ANKRD11: variants seen among roughly 807,000 people sequenced by gnomAD.
ANKRD11 encodes the protein ankyrin repeat domain 11.
Under a neutral mutation model 195.7 loss-of-function variants are expected in ANKRD11, and 17 were observed. That is an observed-to-expected ratio of 0.09 (90% CI 0.06 to 0.13). The LOEUF is 0.13. Among genes scored for constraint, ANKRD11 ranks in the 10% least tolerant of loss-of-function variants. The probability of loss-of-function intolerance (pLI) is 1.00; values close to 1 mark genes in which losing one functional copy is unlikely to be tolerated. For synonymous variants in ANKRD11, 1,953 were observed against 1,528.1 expected (o/e 1.28, Z -6.49); for missense variants, 3,735 against 3,566.1 (o/e 1.05, Z -1.21).
chr16:89,323,128 T>C (rs1021241418), intron 2 of ANKRD11: 3 of 342,844 alleles, frequency 8.8e-6, no homozygotes, highest in East Asian at 1.0e-4. Flanking sequence ...GTGCGCTCCG[T>C]GGAAAGGGAG....
intron 2 of ANKRD11, among the ~76,000 whole-genome samples, chr16:89,367,225 C>T (rs1426147948): frequency 6.6e-6 from 1 of 152,248 alleles, no homozygotes; most frequent in Non-Finnish European, 1.5e-5. Context: ...ACAGTCCACT[C>T]CACGTGGGAG....
In ANKRD11 at chr16:89,280,438, T is replaced by A. The variant is rs778167926; in HGVS notation, c.6104A>T (p.Glu2035Val). Residue 2035 changes from glutamate to valine, a missense_variant, in exon 9 of 13, where the codon GAG becomes GTG. Glu to Val is a moderately radical substitution (Grantham distance 121). Transcript: ENST00000301030. The part of the protein sequence containing the change: ...YALPVAEPGL[E>V]DVKDGVDAVP... ...GGCGTCCACTCCGTCCTTGACGTCC[T>A]CCAGCCCCGGCTCAGCGACGGGCAG... 3 of 1,582,796 alleles carry A rather than the reference T, an allele frequency of 1.9e-6. No individual in the cohort carries two copies. The highest frequency in any genetic ancestry group is 8.6e-7 in the Non-Finnish European group (1 of 1,163,178).
At chr16:89,335,192 G>A (rs922060753) in intron 2 of ANKRD11, among the ~76,000 whole-genome samples, 10 of 152,146 alleles carry the variant, frequency 6.6e-5, no homozygotes, top group Non-Finnish European at 4.4e-5. Context: ...AGCTCAGTGC[G>A]TGCCTTCCCC....
In ANKRD11 at chr16:89,281,875, G is replaced by C. The variant is rs781186923; in HGVS notation, c.4667C>G (p.Ala1556Gly). Residue 1556 changes from alanine to glycine, a missense_variant, in exon 9 of 13, where the codon GCG becomes GGG. Ala to Gly is a moderately conservative substitution (Grantham distance 60). Coordinates refer to ENST00000301030, the MANE Select transcript of ANKRD11 (RefSeq NM_013275.6). The surrounding 1 kb of genome is among the most constrained non-coding windows in gnomAD (Gnocchi z 5.5). ...TTTCTTGCCTGGGTCTTTGGATGGC[G>C]CTACCTTATCATTCCCGTTGCTCAT... ...VKMSNGNDKV[A>G]PSKDPGKKDA... 3.1e-6 allele frequency: 5 copies of C among 1,613,686 alleles called. No individual in the cohort carries two copies. Among genetic ancestry groups the C allele is most frequent in the Non-Finnish European group, 4.2e-6 (5 of 1,180,028 alleles).
Position 89,384,879 on chromosome 16 carries a change from C to CTTTTTTTTTTTTTTTTTTTTTTTTT in ANKRD11, c.-60+33380_-60+33404dup, listed in dbSNP as rs869271846. Among the ~76,000 whole-genome samples, 33 of 49,940 alleles carry CTTTTTTTTTTTTTTTTTTTTTTTTT rather than the reference C, an allele frequency of 6.6e-4. 5 individuals are homozygous for CTTTTTTTTTTTTTTTTTTTTTTTTT. Among genetic ancestry groups the CTTTTTTTTTTTTTTTTTTTTTTTTT allele is most frequent in the Non-Finnish European group, 8.4e-4 (24 of 28,702 alleles). 32.8% of individuals were successfully genotyped at this position (49,940 alleles called of 152,430 possible). On this transcript the variant is annotated intron_variant, in intron 2 of 12. Transcript: ENST00000301030. ...GGAGCACACAATGAGAAATAGTTTT[C>CTTTTTTTTTTTTTTTTTTTTTTTTT]TTTTTTTTTTTTTTTTTTTTTTTTT... is the stretch of plus-strand genomic sequence containing the variant.
At chr16:89,316,341 A>C (rs2036954387) in intron 3 of ANKRD11, among the ~76,000 whole-genome samples, 1 of 152,080 alleles carries the variant, frequency 6.6e-6, no homozygotes, top group Admixed American at 6.5e-5. Context: ...CTCCCCTCAC[A>C]GTGCAGGACA....
chr16:89,328,080 A>C (rs1422211159), intron 2 of ANKRD11, among the ~76,000 whole-genome samples: 3 of 152,262 alleles, frequency 2.0e-5, no homozygotes, highest in Non-Finnish European at 4.4e-5. Flanking sequence ...GAAGAGGTGC[A>C]CGTGGTGAAC....
chr16:89,403,177 G>A (rs985034751), intron 2 of ANKRD11, among the ~76,000 whole-genome samples: 4 of 152,184 alleles, frequency 2.6e-5, no homozygotes, highest in Admixed American at 2.0e-4. Flanking sequence ...CTGTTGGCAG[G>A]TGGACCCCGC....
At chr16:89,292,853 T>C (rs1400162539) in intron 4 of ANKRD11, among the ~76,000 whole-genome samples, 3 of 152,226 alleles carry the variant, frequency 2.0e-5, no homozygotes, top group Non-Finnish European at 4.4e-5. Context: ...GCTGTGGGTC[T>C]CTGCGTGCGC....
chr16:89,335,115 C>T (rs917539086), intron 2 of ANKRD11, among the ~76,000 whole-genome samples: 1 of 152,308 alleles, frequency 6.6e-6, no homozygotes, highest in South Asian at 2.1e-4. Context: ...CCCCAAATAA[C>T]TAATCAGGAC....
chr16:89,347,106 C>G (rs537310929), intron 2 of ANKRD11, among the ~76,000 whole-genome samples: 2 of 151,872 alleles, frequency 1.3e-5, no homozygotes, highest in African/African-American at 2.4e-5. Context: ...CTCCTAGGCC[C>G]GTGGAGGTGT....
intron 2 of ANKRD11, among the ~76,000 whole-genome samples, chr16:89,320,817 C>T (rs980676298): frequency 3.9e-5 from 6 of 152,242 alleles, no homozygotes; most frequent in South Asian, 2.1e-4. Flanking sequence ...TGGGAACAGC[C>T]GTCCTTGCCC....
intron 1 of ANKRD11, among the ~76,000 whole-genome samples, chr16:89,441,761 C>G (rs2911267): frequency 2.4e-5 from 1 of 41,876 alleles, no homozygotes; most frequent in African/African-American, 8.2e-5. Context: ...AGCGAGACTC[C>G]GCCTACAAAA....
At chr16:89,337,429 C>CTTTGTTTTTT (rs2038423070) in intron 2 of ANKRD11, among the ~76,000 whole-genome samples, 1 of 53,118 alleles carries the variant, frequency 1.9e-5, no homozygotes, top group Non-Finnish European at 3.2e-5. Context: ...CTAAGCAATT[C>CTTTGTTTTTT]TTTTTTTTTT....
At chr16:89,414,872 C>T (rs948330131) in intron 2 of ANKRD11, among the ~76,000 whole-genome samples, 3 of 152,226 alleles carry the variant, frequency 2.0e-5, no homozygotes, top group Admixed American at 2.0e-4. Context: ...TCACATTCCA[C>T]CCCAAGGAAT....
intron 2 of ANKRD11, among the ~76,000 whole-genome samples, chr16:89,333,135 C>T (rs1035576913): frequency 2.0e-5 from 3 of 152,228 alleles, no homozygotes; most frequent in African/African-American, 7.2e-5. Context: ...CAACAATGCT[C>T]TGGGAACTCC....
chr16:89,484,696 A>T (rs2057547691), intron 1 of ANKRD11, among the ~76,000 whole-genome samples: 1 of 152,246 alleles, frequency 6.6e-6, no homozygotes, highest in Non-Finnish European at 1.5e-5. Context: ...TAACATTTCA[A>T]TTTCAGCCAT....
intron 2 of ANKRD11, among the ~76,000 whole-genome samples, chr16:89,411,838 T>G (rs2042121291): frequency 6.6e-6 from 1 of 152,210 alleles, no homozygotes; most frequent in South Asian, 2.1e-4. Context: ...CAGCAGAACT[T>G]GAGGAATCCA....
At position 89,281,472 on chromosome 16, in the gene ANKRD11, A is replaced by G. The variant is rs2034240333; in HGVS notation, c.5070T>C (p.Pro1690=). The change falls in exon 9 of 13, where the codon CCT becomes CCC. Residue 1690 remains proline (P), a synonymous_variant. Transcript: ENST00000301030. This position sits in a 1 kb window ranked among gnomAD's most constrained non-coding sequence, Gnocchi z 5.5. Reference sequence around the variant, plus strand: ...GGCTCTGGTCAGGCCTGGGGGACGCAGGCAGGACCTCTTTCATGTGAGGGC... The same window carrying G: ...GGCTCTGGTCAGGCCTGGGGGACGCGGGCAGGACCTCTTTCATGTGAGGGC... ...LAGPHMKEVL[P]ASPRPDQSRP... is the part of the protein sequence containing the mutation. 3 of 1,614,174 alleles carry G rather than the reference A, an allele frequency of 1.9e-6. No homozygotes were observed. The East Asian group carries it at 6.7e-5, about 36-fold the overall frequency.
Sources: gnomAD v4.1 joint callset for allele counts (sites outside exome capture counted in the v4.1 genomes callset) on GRCh38, gnomAD v4.1.1 for gene constraint, Gnocchi (gnomAD v3.1) non-coding constraint, MANE v1.5 for transcripts, NCBI Gene and HGNC (gene_info 2026-07-23, HGNC 2026-07-21) for gene names.